Variants in CMTR1 observed in about 807,000 individuals in gnomAD.
CMTR1 encodes the protein cap-specific mRNA (nucleoside-2'-O-)-methyltransferase 1.
In CMTR1, 39 loss-of-function variants were observed where a neutral mutation model predicts 107.0. That is an observed-to-expected ratio of 0.36 (90% CI 0.28 to 0.48). The LOEUF (loss-of-function observed/expected upper bound fraction) is 0.48. CMTR1 is among the 20% of genes least tolerant of loss of function. The probability of loss-of-function intolerance (pLI) is 0.99; values close to 1 mark genes in which losing one functional copy is unlikely to be tolerated. For missense variants in CMTR1, 672 were observed against 1,064.9 expected, an observed-to-expected ratio of 0.63 and a Z score of 5.14; for synonymous variants, 366 against 379.5, an observed-to-expected ratio of 0.96 and a Z score of 0.41.
At chr6:37,442,862 C>T (rs1280250970) in intron 2 of CMTR1, among the ~76,000 whole-genome samples, 1 of 152,232 alleles carries the variant, frequency 6.6e-6, no homozygotes, top group Non-Finnish European at 1.5e-5. Flanking sequence ...GACTTTCCTT[C>T]AGTACTTCTC....
At position 37,480,336 on chromosome 6, in the gene CMTR1, T is replaced by G. The variant is rs539596604; in HGVS notation, c.*191T>G. On this transcript the variant is annotated 3_prime_UTR_variant, in exon 24 of 24. Coordinates refer to ENST00000373451, the MANE Select transcript of CMTR1 (RefSeq NM_015050.3). ...CAGGGCCCTGCAGAGAACACTCATGTTCCTTCTGGGACACCTGCCTGGGAA... is the reference window on the plus strand; with the variant it reads ...CAGGGCCCTGCAGAGAACACTCATGGTCCTTCTGGGACACCTGCCTGGGAA... The G allele has an allele frequency of 5.9e-4, 815 of 1,375,634 alleles. 4 individuals carry two copies. In the African/African-American group the frequency reaches 0.012, roughly 20 times the overall value. The allele number at this position is 1,375,634 out of a possible 1,614,324, so 85.2% of individuals were successfully genotyped here. A position where few individuals can be genotyped will look rare whatever the true frequency, so the allele number is the denominator to read the frequency against.
chr6:37,451,438 T>A (rs985769181), intron 5 of CMTR1, among the ~76,000 whole-genome samples: 1 of 152,176 alleles, frequency 6.6e-6, no homozygotes, highest in African/African-American at 2.4e-5. Context: ...GGCTTCCTGG[T>A]GGAAGGACAA....
chr6:37,458,054 GT>G lies in CMTR1; in HGVS notation c.778-552del, dbSNP rs952923695. Among the ~76,000 whole-genome samples the G allele has an allele frequency of 1.3e-4, 20 of 152,138 alleles. No homozygotes were observed. The highest frequency in any genetic ancestry group is 4.6e-4 in the African/African-American group (19 of 41,500). ...AAAATGTAGTCAGATACCCATAAAT[GT>G]TTTTTGTTGTTTTTGTTGAGACAGG... On this transcript the variant is annotated intron_variant, in intron 8 of 23. Transcript: ENST00000373451. This position sits in a 1 kb window ranked among gnomAD's most constrained non-coding sequence, Gnocchi z 4.7.
intron 2 of CMTR1, among the ~76,000 whole-genome samples, chr6:37,437,518 A>G (rs78119474): frequency 6.9e-6 from 1 of 144,498 alleles, no homozygotes; most frequent in South Asian, 2.1e-4. Context: ...GTCCGTCTCA[A>G]AAAAAAAAAA....
upstream of CMTR1, among the ~76,000 whole-genome samples, chr6:37,428,274 G>C (rs1196518940): frequency 3.3e-5 from 5 of 152,206 alleles, no homozygotes; most frequent in African/African-American, 4.8e-5. Context: ...AGTTTGGACA[G>C]GCAGTTAGGC....
chr6:37,461,909 A>G lies in CMTR1; in HGVS notation c.1193-61A>G, dbSNP rs1278755645. 6 of 1,570,640 alleles carry G rather than the reference A, an allele frequency of 3.8e-6. No individual in the cohort carries two copies. The Admixed American group carries it at 8.4e-5, about 22-fold the overall frequency. On this transcript the variant is annotated intron_variant, in intron 11 of 23. Transcript: ENST00000373451. ...CTTTGTCATATTTACTCCCAAGACTACTTCACCCATCTCTTGGAATAGACC... is the reference window on the plus strand; with the variant it reads ...CTTTGTCATATTTACTCCCAAGACTGCTTCACCCATCTCTTGGAATAGACC...
intron 8 of CMTR1, among the ~76,000 whole-genome samples, chr6:37,454,693 T>A (rs1761254444): frequency 6.6e-6 from 1 of 152,200 alleles, no homozygotes; most frequent in Admixed American, 6.5e-5. Context: ...CAGCCGTGTT[T>A]GTAATGCTTC....
At chr6:37,443,349 A>G (rs1318904404) in intron 2 of CMTR1, among the ~76,000 whole-genome samples, 2 of 150,884 alleles carry the variant, frequency 1.3e-5, no homozygotes, top group Non-Finnish European at 2.9e-5. Context: ...ATATTTGACA[A>G]TGTACTTTCT....
chr6:37,476,609 G>C lies in CMTR1; in HGVS notation c.2105+415G>C, dbSNP rs191728156. On this transcript the variant is annotated intron_variant, in intron 20 of 23. Coordinates refer to ENST00000373451, the MANE Select transcript of CMTR1 (RefSeq NM_015050.3). ...TGTTTGAGGGAATGGGACCCCCAGT[G>C]CTGAGGGAGAAGGAGGCCAGGGTTG... 4.5e-4 allele frequency among the ~76,000 whole-genome samples: 56 copies of C among 123,788 alleles called. 1 individual carries two copies. The East Asian group carries it at 0.01, about 23-fold the overall frequency. 81.2% of individuals were successfully genotyped at this position (123,788 alleles called of 152,430 possible).
At chr6:37,471,542 G>T (rs1041984076) in intron 14 of CMTR1, among the ~76,000 whole-genome samples, 1 of 152,224 alleles carries the variant, frequency 6.6e-6, no homozygotes, top group Non-Finnish European at 1.5e-5. Context: ...AGAACATGCT[G>T]ATGGGTGATT....
the CMTR1 span, among the ~76,000 whole-genome samples, chr6:37,428,052 GA>G: frequency 7.9e-4 from 107 of 134,866 alleles, no homozygotes; most frequent in African/African-American, 2.9e-3. Flanking sequence ...GAGAGAGAGA[GA>G]GAGAGAGAAA....
At chr6:37,479,072 G>A (rs990427576) in intron 22 of CMTR1, 75 bp from the exon 23 acceptor site, 10 of 1,014,258 alleles carry the variant, frequency 9.9e-6, no homozygotes, top group Admixed American at 1.8e-5. Context: ...CACCGGGAGT[G>A]GAGGAAGGTA....
chr6:37,451,482 G>A (rs1341044016), intron 5 of CMTR1, among the ~76,000 whole-genome samples: 1 of 152,158 alleles, frequency 6.6e-6, no homozygotes, highest in Non-Finnish European at 1.5e-5. Flanking sequence ...CCATCCTTCT[G>A]CCTCCATGCT....
At chr6:37,465,824 G>T (rs1761496483) in intron 13 of CMTR1, among the ~76,000 whole-genome samples, 1 of 65,628 alleles carries the variant, frequency 1.5e-5, no homozygotes, top group South Asian at 3.3e-4. Flanking sequence ...TTGTTTTTTT[G>T]TTTGTTTGTT....
intron 21 of CMTR1, 28 bp from the exon 22 acceptor site, chr6:37,478,381 C>A (rs1172454226): frequency 1.5e-5 from 24 of 1,561,662 alleles, no homozygotes; most frequent in African/African-American, 2.7e-5. Context: ...TTTTCTCTCT[C>A]ATGCACGTAC....
intron 14 of CMTR1, among the ~76,000 whole-genome samples, chr6:37,471,554 AAAAGGGTGTC>A (rs752640868): frequency 6.6e-5 from 10 of 152,290 alleles, no homozygotes; most frequent in Non-Finnish European, 1.5e-4. Context: ...TGGGTGATTG[AAAAGGGTGTC>A]GGGGAGGACC....
chr6:37,473,147 CTTGCT>C (rs979551784), intron 16 of CMTR1, among the ~76,000 whole-genome samples: 2 of 152,066 alleles, frequency 1.3e-5, no homozygotes, highest in Non-Finnish European at 2.9e-5. Context: ...CTGGAGAATC[CTTGCT>C]TTGAGTTTTA....
chr6:37,424,281 C>T, the CMTR1 span, among the ~76,000 whole-genome samples: 12 of 150,444 alleles, frequency 8.0e-5, no homozygotes, highest in Non-Finnish European at 1.2e-4. Context: ...CTCCCTTTGT[C>T]GCCCAGGCTG....
At chr6:37,470,822 A>G (rs1016868152) in intron 13 of CMTR1, among the ~76,000 whole-genome samples, 199 bp from the exon 14 acceptor site, 13 of 152,132 alleles carry the variant, frequency 8.5e-5, no homozygotes, top group African/African-American at 3.1e-4. Context: ...TGAGTGACCC[A>G]GTTTTCCTGT....
Sources: gnomAD v4.1 joint callset for allele counts (sites outside exome capture counted in the v4.1 genomes callset) on GRCh38, gnomAD v4.1.1 for gene constraint, Gnocchi (gnomAD v3.1) non-coding constraint, MANE v1.5 for transcripts, NCBI Gene and HGNC (gene_info 2026-07-23, HGNC 2026-07-21) for gene names.